EPSTI1: variants seen among roughly 807,000 people sequenced by gnomAD.
EPSTI1 encodes the protein epithelial stromal interaction 1.
In EPSTI1, 66 loss-of-function variants were observed where a neutral mutation model predicts 49.9. The ratio of observed to expected loss-of-function variants is 1.32; its 90% CI spans 1.08 to 1.62. EPSTI1 has a LOEUF of 1.62. Ranked by LOEUF, EPSTI1 falls within the 40% of genes most tolerant of loss-of-function variation. The probability of loss-of-function intolerance (pLI) is 0.00; values close to 1 mark genes in which losing one functional copy is unlikely to be tolerated. For missense variants in EPSTI1, 394 were observed against 365.5 expected (o/e 1.08, Z -0.64); for synonymous variants, 137 against 130.7 (o/e 1.05, Z -0.33).
intron 6 of EPSTI1, among the ~76,000 whole-genome samples, chr13:42,935,874 G>A (rs2038545271): frequency 1.3e-5 from 2 of 152,146 alleles, no homozygotes; most frequent in Admixed American, 6.5e-5. Flanking sequence ...TTAGAGGTGT[G>A]AGCCACCATG....
At chr13:42,950,544 G>A (rs1224664590) in intron 6 of EPSTI1, among the ~76,000 whole-genome samples, 1 of 152,132 alleles carries the variant, frequency 6.6e-6, no homozygotes, top group Non-Finnish European at 1.5e-5. Context: ...CAAGAACAAG[G>A]TGTTAAGAAA....
At chr13:42,896,958 G>A (rs112498089) in intron 9 of EPSTI1, among the ~76,000 whole-genome samples, 2,932 of 152,138 alleles carry the variant, frequency 0.019, 82 homozygotes, top group East Asian at 0.089. Context: ...AAATTAGCCC[G>A]GCATGGTGGT....
chr13:42,907,136 T>C (rs2037520573), intron 8 of EPSTI1, among the ~76,000 whole-genome samples: 2 of 152,228 alleles, frequency 1.3e-5, no homozygotes, highest in Non-Finnish European at 2.9e-5. Context: ...TTCTATCATT[T>C]TAACAGAGAG....
At chr13:42,970,478 C>T (rs758100482) in intron 2 of EPSTI1, 134 bp downstream of exon 2, 159 of 677,886 alleles carry the variant, frequency 2.3e-4, no homozygotes, top group Non-Finnish European at 3.5e-4. Flanking sequence ...ATAATCAAAA[C>T]TAAAAAAAAC....
intron 9 of EPSTI1, among the ~76,000 whole-genome samples, chr13:42,895,813 A>G (rs756084873): frequency 4.6e-5 from 7 of 152,350 alleles, no homozygotes; most frequent in East Asian, 3.9e-4. Flanking sequence ...TGGCACTGCA[A>G]TAGGTACCCT....
At position 42,950,084 on chromosome 13, in the gene EPSTI1, A is replaced by C. The variant is rs186451181; in HGVS notation, c.563+3864T>G. On this transcript the variant is annotated intron_variant, in intron 6 of 10. Coordinates refer to ENST00000313624, the MANE Select transcript of EPSTI1 (RefSeq NM_033255.5). The stretch of plus-strand genomic sequence containing the variant: ...GACTAAAAATAACCTTGAAAGTTAG[A>C]CCAAGGCTAACTGCCGATTTCTACC... Among the ~76,000 whole-genome samples the C allele has an allele frequency of 3.2e-3, 489 of 152,328 alleles. 2 individuals are homozygous for C. The highest frequency in any genetic ancestry group is 5.7e-3 in the Non-Finnish European group (388 of 68,028).
intron 1 of EPSTI1, among the ~76,000 whole-genome samples, chr13:42,982,648 G>A (rs1168919334): frequency 6.6e-6 from 1 of 152,198 alleles, no homozygotes; most frequent in African/African-American, 2.4e-5. Context: ...CTCCTGCAAA[G>A]TACTTCTCTA....
intron 9 of EPSTI1, among the ~76,000 whole-genome samples, chr13:42,898,458 T>C (rs188369994): frequency 6.6e-6 from 1 of 152,324 alleles, no homozygotes; most frequent in African/African-American, 2.4e-5. Context: ...ATAAAATATA[T>C]ATTTAATGAC....
intron 1 of EPSTI1, among the ~76,000 whole-genome samples, chr13:42,982,930 G>A (rs1440949151): frequency 6.6e-6 from 1 of 152,162 alleles, no homozygotes; most frequent in Non-Finnish European, 1.5e-5. Context: ...GACTTGCTAA[G>A]CTTCCCCAGT....
At chr13:42,986,866 A>G (rs557647837) in intron 1 of EPSTI1, among the ~76,000 whole-genome samples, 1 of 152,070 alleles carries the variant, frequency 6.6e-6, no homozygotes, top group South Asian at 2.1e-4. Context: ...CCTAGGTAAT[A>G]AAGCCTCAAT....
At chr13:42,978,378 G>T (rs2039921928) in intron 1 of EPSTI1, among the ~76,000 whole-genome samples, 1 of 152,106 alleles carries the variant, frequency 6.6e-6, no homozygotes, top group Admixed American at 6.5e-5. Flanking sequence ...CGGGGAGGGG[G>T]CTTCCAGGTC....
intron 8 of EPSTI1, among the ~76,000 whole-genome samples, chr13:42,901,296 A>C (rs1413686009): frequency 6.6e-6 from 1 of 152,100 alleles, no homozygotes; most frequent in African/African-American, 2.4e-5. Context: ...AAAAGTATAC[A>C]AAAAAACTCA....
At chr13:42,953,754 C>T (rs575504787) in intron 6 of EPSTI1, among the ~76,000 whole-genome samples, 194 bp downstream of exon 6, 23 of 152,318 alleles carry the variant, frequency 1.5e-4, no homozygotes, top group African/African-American at 5.3e-4. Flanking sequence ...GTGTTATTGA[C>T]TACTAAAGGA....
At chr13:42,968,937 C>T (rs140113118) in intron 3 of EPSTI1, among the ~76,000 whole-genome samples, 157 bp downstream of exon 3, 5 of 129,464 alleles carry the variant, frequency 3.9e-5, no homozygotes, top group African/African-American at 9.0e-5. Context: ...CACACACACA[C>T]ACACACACAC....
chr13:42,919,364 A>G, intron 7 of EPSTI1: 2 of 1,607,180 alleles, frequency 1.2e-6, no homozygotes, highest in African/African-American at 1.3e-5. Flanking sequence ...GAATAAATTG[A>G]TCACTATTTT....
At chr13:42,967,910 G>C (rs912242942) in intron 3 of EPSTI1, among the ~76,000 whole-genome samples, 2 of 152,182 alleles carry the variant, frequency 1.3e-5, no homozygotes, top group Admixed American at 1.3e-4. Flanking sequence ...TGTTCTACTT[G>C]CTGGATTCCT....
rs1275434081 is a variant in EPSTI1 at position 42,972,238 on chromosome 13, C to T, written c.189-1568G>A. On this transcript the variant is annotated intron_variant, in intron 1 of 10. Coordinates refer to ENST00000313624, the MANE Select transcript of EPSTI1 (RefSeq NM_033255.5). ...CCACAAATTTGACTATACTCCAGAT[C>T]AGTAGTTCTCAGCCTTTATCGTGCA... Among the ~76,000 whole-genome samples the T allele has an allele frequency of 3.3e-5, 5 of 152,208 alleles. No homozygotes were observed. In the East Asian group the frequency reaches 9.6e-4, roughly 29 times the overall value.
chr13:42,889,155 C>T (rs1230165050), intron 10 of EPSTI1: 1 of 1,391,700 alleles, frequency 7.2e-7, no homozygotes, highest in Non-Finnish European at 1.0e-6. Flanking sequence ...CCCAAAGAGC[C>T]TCACCTATTG....
In EPSTI1 at chr13:42,964,140, C is replaced by T. The variant is rs771795159; in HGVS notation, c.332-1G>A. 3.7e-6 allele frequency: 6 copies of T among 1,611,124 alleles called. No homozygotes were observed. Among genetic ancestry groups the T allele is most frequent in the South Asian group, 2.2e-5 (2 of 90,666 alleles). On this transcript the variant is annotated splice_acceptor_variant, in intron 3 of 10. Transcript: ENST00000313624. LOFTEE classifies it high-confidence loss of function. ...ACTTCAGTTTCTGACTGGCTTCCAC[C>T]TTAGGAAAAAAAAATCCATGAAGGT...
Sources: allele counts gnomAD v4.1 joint callset (sites outside exome capture counted in the v4.1 genomes callset), GRCh38; gene constraint gnomAD v4.1.1; transcripts MANE v1.5; gene names NCBI Gene and HGNC (gene_info 2026-07-23, HGNC 2026-07-21).